The following KCNQ5 variants were observed in gnomAD, a reference collection of about 807,000 sequenced individuals.
KCNQ5 encodes potassium voltage-gated channel subfamily Q member 5.
Under a neutral mutation model 98.2 loss-of-function variants are expected in KCNQ5, and 30 were observed. The ratio of observed to expected loss-of-function variants is 0.31; its 90% CI spans 0.23 to 0.41. KCNQ5 has a LOEUF of 0.41. KCNQ5 is among the 10% of genes least tolerant of loss of function. The probability of loss-of-function intolerance (pLI) is 1.00; values close to 1 mark genes in which losing one functional copy is unlikely to be tolerated. For synonymous variants in KCNQ5, 458 were observed against 449.4 expected (o/e 1.02, Z -0.24); for missense variants, 835 against 1,182.5 (o/e 0.71, Z 4.31).
chr6:72,714,712 TC>T (rs1769552067), intron 1 of KCNQ5, among the ~76,000 whole-genome samples: 1 of 152,214 alleles, frequency 6.6e-6, no homozygotes, highest in Non-Finnish European at 1.5e-5. Context: ...ATGTCAGAAC[TC>T]CTTCATATAC....
intron 1 of KCNQ5, among the ~76,000 whole-genome samples, chr6:72,753,909 T>G (rs1771821391): frequency 6.6e-6 from 1 of 152,158 alleles, no homozygotes; most frequent in Non-Finnish European, 1.5e-5. Flanking sequence ...TAGTATGTAG[T>G]ACTTTTTAAA....
intron 1 of KCNQ5, among the ~76,000 whole-genome samples, chr6:72,706,248 C>T (rs559436011): frequency 1.7e-4 from 26 of 152,010 alleles, no homozygotes; most frequent in African/African-American, 6.3e-4. Context: ...AAAGCAGAAA[C>T]ATTAACATGC....
chr6:72,909,126 C>T (rs1031111459), intron 1 of KCNQ5, among the ~76,000 whole-genome samples: 15 of 151,972 alleles, frequency 9.9e-5, no homozygotes, highest in East Asian at 3.9e-4. Flanking sequence ...ATTGAAACAA[C>T]GGGGAAGTTT....
At chr6:72,643,905 G>A (rs1765456366) in intron 1 of KCNQ5, among the ~76,000 whole-genome samples, 3 of 151,976 alleles carry the variant, frequency 2.0e-5, no homozygotes, top group Admixed American at 6.6e-5. Flanking sequence ...ATAAAACTAT[G>A]TTATTAGCAT....
chr6:73,069,532 A>G (rs1218916866), intron 3 of KCNQ5, among the ~76,000 whole-genome samples: 1 of 152,212 alleles, frequency 6.6e-6, no homozygotes, highest in Non-Finnish European at 1.5e-5. Context: ...TTACAAAAAA[A>G]AAAGCACGTC....
At chr6:72,635,670 GTTTTTTTTTTT>G (rs528990234) in intron 1 of KCNQ5, among the ~76,000 whole-genome samples, 4 of 65,076 alleles carry the variant, frequency 6.1e-5, no homozygotes, top group Non-Finnish European at 1.2e-4. Context: ...ATTGCTCCTA[GTTTTTTTTTTT>G]TTTTTTTTTT....
intron 1 of KCNQ5, among the ~76,000 whole-genome samples, chr6:72,743,690 AAC>A (rs1442371991): frequency 6.6e-6 from 1 of 152,202 alleles, no homozygotes; most frequent in Non-Finnish European, 1.5e-5. Context: ...AACTGGATTC[AAC>A]CTCTGGTTTG....
At chr6:73,073,399 G>A (rs1380215477) in intron 3 of KCNQ5, among the ~76,000 whole-genome samples, 1 of 152,134 alleles carries the variant, frequency 6.6e-6, no homozygotes, top group Admixed American at 6.5e-5. Flanking sequence ...TTGTTCTGGA[G>A]GCTGTCCTGG....
intron 1 of KCNQ5, among the ~76,000 whole-genome samples, chr6:72,673,819 G>A (rs1354609102): frequency 1.3e-5 from 2 of 152,150 alleles, no homozygotes; most frequent in Non-Finnish European, 2.9e-5. Context: ...TCCATTACTT[G>A]AGAGGGTCAC....
chr6:72,753,747 A>T (rs77687724), intron 1 of KCNQ5, among the ~76,000 whole-genome samples: 8,451 of 152,156 alleles, frequency 0.056, 775 homozygotes, highest in African/African-American at 0.19. Flanking sequence ...CTTTTAAAAT[A>T]TTTTGACCAA....
chr6:72,777,940 A>G (rs1773242725), intron 1 of KCNQ5, among the ~76,000 whole-genome samples: 1 of 152,224 alleles, frequency 6.6e-6, no homozygotes, highest in South Asian at 2.1e-4. Context: ...CTAAACTTCA[A>G]ATGCCTGTAG....
Position 72,903,460 on chromosome 6 carries a change from G to C in KCNQ5, c.399-100448G>C, listed in dbSNP as rs1779585666. ...TGCTCTTACCATCTTTTTGATGTAG[G>C]CCTTTAGGACTATGAACTTTCCTAT... is the stretch of plus-strand genomic sequence containing the variant. On this transcript the variant is annotated intron_variant, in intron 1 of 13. Transcript: ENST00000370398. Among the ~76,000 whole-genome samples, 4 of 152,222 alleles carry C rather than the reference G, an allele frequency of 2.6e-5. No individual in the cohort carries two copies. The South Asian group carries it at 8.3e-4, about 32-fold the overall frequency.
chr6:73,033,989 T>C (rs548732148), intron 2 of KCNQ5, among the ~76,000 whole-genome samples: 5 of 152,332 alleles, frequency 3.3e-5, no homozygotes, highest in Admixed American at 2.6e-4. Flanking sequence ...TTAGTAAGCA[T>C]GTTTTTAGGA....
At chr6:73,052,190 A>T (rs1252509770) in intron 3 of KCNQ5, among the ~76,000 whole-genome samples, 4 of 152,180 alleles carry the variant, frequency 2.6e-5, no homozygotes, top group Non-Finnish European at 5.9e-5. Context: ...AAAAATAAAG[A>T]AAAAAAGATT....
intron 1 of KCNQ5, among the ~76,000 whole-genome samples, chr6:72,726,829 A>G (rs969987458): frequency 6.6e-6 from 1 of 152,188 alleles, no homozygotes; most frequent in African/African-American, 2.4e-5. Flanking sequence ...TTAAGTTCTA[A>G]TGATTTTTTA....
At chr6:72,998,882 C>T (rs1582165011) in intron 1 of KCNQ5, among the ~76,000 whole-genome samples, 1 of 152,168 alleles carries the variant, frequency 6.6e-6, no homozygotes, top group African/African-American at 2.4e-5. Flanking sequence ...TGTGTGGTTG[C>T]TTCAATCAGC....
intron 1 of KCNQ5, among the ~76,000 whole-genome samples, chr6:72,875,534 T>C (rs1778373819): frequency 6.6e-6 from 1 of 152,186 alleles, no homozygotes; most frequent in African/African-American, 2.4e-5. Flanking sequence ...TGTCACTGTT[T>C]GTTAATCAGT....
chr6:73,055,148 C>A, intron 3 of KCNQ5: 2 of 786,874 alleles, frequency 2.5e-6, no homozygotes, highest in East Asian at 4.9e-5. Context: ...TGAGTGGAAC[C>A]TGGAGAACCA....
rs11759928 is a variant in KCNQ5, at chr6:72,683,557, C to T, written c.398+60970C>T. On this transcript the variant is annotated intron_variant, in intron 1 of 13. Coordinates refer to ENST00000370398, the MANE Select transcript of KCNQ5 (RefSeq NM_019842.4). ...TAATTTTTTGTATTTTTAGAAGAGACGGGGTTTCACCATGTTAGCCAGGAT... is the reference window on the plus strand; with the variant it reads ...TAATTTTTTGTATTTTTAGAAGAGATGGGGTTTCACCATGTTAGCCAGGAT... 2.6e-4 allele frequency among the ~76,000 whole-genome samples: 40 copies of T among 151,794 alleles called. No individual in the cohort carries two copies. The East Asian group carries it at 5.0e-3, about 19-fold the overall frequency.
Sources: allele counts gnomAD v4.1 joint callset (sites outside exome capture counted in the v4.1 genomes callset), GRCh38; gene constraint gnomAD v4.1.1; transcripts MANE v1.5; gene names NCBI Gene and HGNC (gene_info 2026-07-23, HGNC 2026-07-21).